The following PEMT variants were observed in gnomAD, a reference collection of about 807,000 sequenced individuals.
PEMT encodes the protein phosphatidylethanolamine N-methyltransferase.
PEMT carries 23 observed loss-of-function variants against 27.4 expected under a neutral mutation model. The ratio of observed to expected loss-of-function variants is 0.84; its 90% confidence interval spans 0.60 to 1.19. PEMT has a LOEUF of 1.19. Ranked by LOEUF, PEMT falls within the 50% of genes most tolerant of loss-of-function variation. The pLI is 0.00. For synonymous variants in PEMT, 137 were observed against 139.1 expected, an observed-to-expected ratio of 0.98 and a Z score of 0.11; for missense variants, 307 against 310.1, an observed-to-expected ratio of 0.99 and a Z score of 0.07.
At chr17:17,564,669 C>T (rs1392174903) in intron 2 of PEMT, among the ~76,000 whole-genome samples, 1 of 152,196 alleles carries the variant, frequency 6.6e-6, no homozygotes, top group African/African-American at 2.4e-5. Flanking sequence ...TCTGGGAAGG[C>T]GGGTACCCCC....
chr17:17,545,845 G>A (rs191598115), intron 2 of PEMT, among the ~76,000 whole-genome samples: 11 of 152,282 alleles, frequency 7.2e-5, no homozygotes, highest in Non-Finnish European at 1.3e-4. Context: ...GCTGATGTTT[G>A]GAGGTTCGTC....
rs927928251 is a variant in PEMT at position 17,561,837 on chromosome 17, C to T, written c.204+15083G>A. On this transcript the variant is annotated intron_variant, in intron 2 of 6. Transcript: ENST00000255389. The surrounding 1 kb of genome is among the most constrained non-coding windows in gnomAD (Gnocchi z 4.5). ...ACCACTTCCACGTGGCTACCTCACG[C>T]GGACGCCCCACGTGCGGCCTGACCC... is the stretch of plus-strand genomic sequence containing the variant. 1.3e-5 allele frequency among the ~76,000 whole-genome samples: 2 copies of T among 152,218 alleles called. No homozygotes were observed. Among genetic ancestry groups the T allele is most frequent in the Non-Finnish European group, 2.9e-5 (2 of 68,042 alleles).
chr17:17,573,053 G>T (rs1378867163), intron 2 of PEMT, among the ~76,000 whole-genome samples: 1 of 152,212 alleles, frequency 6.6e-6, no homozygotes, highest in East Asian at 1.9e-4. Flanking sequence ...GTCAGGCACA[G>T]TGGTGCATGC....
chr17:17,550,245 C>A (rs1909556800), intron 2 of PEMT, among the ~76,000 whole-genome samples: 1 of 152,238 alleles, frequency 6.6e-6, no homozygotes, highest in African/African-American at 2.4e-5. Context: ...AAGGGAGGGA[C>A]AGGACAGAAC....
At chr17:17,536,010 C>G (rs968668310) in intron 2 of PEMT, among the ~76,000 whole-genome samples, 2 of 152,168 alleles carry the variant, frequency 1.3e-5, no homozygotes, top group Admixed American at 1.3e-4. Context: ...CAACGACTCC[C>G]TTATTCTGCC....
rs574379294 is a variant in PEMT, at chr17:17,523,910, C to T, written c.205-1515G>A. Among the ~76,000 whole-genome samples the T allele has an allele frequency of 3.9e-5, 6 of 152,260 alleles. No homozygotes were observed. The highest frequency in any genetic ancestry group is 1.9e-4 in the East Asian group (1 of 5,180). ...ATTTCATCACCCCAAGTAGAAACCC[C>T]GTCCTCCCCATCCCCCATCTGCCGG... On this transcript the variant is annotated intron_variant, in intron 2 of 6. Coordinates refer to ENST00000255389, the MANE Select transcript of PEMT (RefSeq NM_148172.3). The surrounding 1 kb of genome is among the most constrained non-coding windows in gnomAD (Gnocchi z 4.8).
At chr17:17,568,774 G>A (rs1360929862) in intron 2 of PEMT, among the ~76,000 whole-genome samples, 2 of 152,200 alleles carry the variant, frequency 1.3e-5, no homozygotes, top group Non-Finnish European at 1.5e-5. Flanking sequence ...AGGTGAGGGA[G>A]CTGCAGGTGA....
chr17:17,509,119 C>G (rs934875906), intron 5 of PEMT, among the ~76,000 whole-genome samples: 2 of 152,274 alleles, frequency 1.3e-5, no homozygotes, highest in Non-Finnish European at 2.9e-5. Flanking sequence ...CAAAGACGCG[C>G]ATCCATTTTC....
intron 5 of PEMT, chr17:17,506,908 G>A (rs946668192): frequency 3.1e-5 from 16 of 516,060 alleles, no homozygotes; most frequent in Admixed American, 6.5e-5. Context: ...TCTCCCAGGT[G>A]GTGGGACAGC....
intron 1 of PEMT, among the ~76,000 whole-genome samples, chr17:17,589,957 C>G (rs952354399): frequency 6.6e-6 from 1 of 152,166 alleles, no homozygotes; most frequent in Non-Finnish European, 1.5e-5. Flanking sequence ...CTCACACACC[C>G]GGTTAGTCTC....
chr17:17,550,595 T>C lies in PEMT; in HGVS notation c.204+26325A>G, dbSNP rs1300299914. ...GGCTGCATTCGGATCCCATCATTTATTGTCATGCATTTGTGTGATTGTTGT... is the reference window on the plus strand; with the variant it reads ...GGCTGCATTCGGATCCCATCATTTACTGTCATGCATTTGTGTGATTGTTGT... On this transcript the variant is annotated intron_variant, in intron 2 of 6. Coordinates refer to ENST00000255389, the MANE Select transcript of PEMT (RefSeq NM_148172.3). 3.9e-5 allele frequency among the ~76,000 whole-genome samples: 6 copies of C among 152,362 alleles called. No individual in the cohort carries two copies. In the East Asian group the frequency reaches 9.6e-4, roughly 24 times the overall value.
chr17:17,534,751 A>G (rs527985361), intron 2 of PEMT, among the ~76,000 whole-genome samples: 19 of 152,274 alleles, frequency 1.2e-4, no homozygotes, highest in African/African-American at 4.6e-4. Flanking sequence ...TGGGAGGATC[A>G]CTTGAGCCCA....
chr17:17,581,737 G>C (rs1031837157), intron 1 of PEMT, among the ~76,000 whole-genome samples: 2 of 152,152 alleles, frequency 1.3e-5, no homozygotes, highest in African/African-American at 4.8e-5. Context: ...ATGGCCTCAG[G>C]TCAGCCTGTC....
intron 2 of PEMT, among the ~76,000 whole-genome samples, chr17:17,568,665 C>G (rs1910991759): frequency 6.6e-6 from 1 of 152,182 alleles, no homozygotes; most frequent in Non-Finnish European, 1.5e-5. Flanking sequence ...GGAGGGATCC[C>G]TTGGGGCACT....
chr17:17,569,578 C>T (rs1235363644), intron 2 of PEMT, among the ~76,000 whole-genome samples: 1 of 152,190 alleles, frequency 6.6e-6, no homozygotes, highest in Non-Finnish European at 1.5e-5. Flanking sequence ...GTGCATCTGC[C>T]GTCTTGGCAG....
intron 3 of PEMT, 80 bp downstream of exon 3, chr17:17,522,200 G>C (rs1317719029): frequency 2.9e-6 from 3 of 1,018,370 alleles, no homozygotes; most frequent in Non-Finnish European, 3.1e-6. Flanking sequence ...CTCCCGCGTG[G>C]TGAGGGATGA....
intron 2 of PEMT, among the ~76,000 whole-genome samples, chr17:17,538,796 C>T (rs1463827799): frequency 6.6e-6 from 1 of 152,180 alleles, no homozygotes; most frequent in Non-Finnish European, 1.5e-5. Context: ...AAAGCGTGAT[C>T]CGCCTTCTTG....
chr17:17,570,252 A>C (rs576146324), intron 2 of PEMT, among the ~76,000 whole-genome samples: 1 of 152,218 alleles, frequency 6.6e-6, no homozygotes. Context: ...GAAGCAGAGC[A>C]GGCTCCGCTT....
At chr17:17,563,646 G>C (rs879373982) in intron 2 of PEMT, among the ~76,000 whole-genome samples, 9 of 152,218 alleles carry the variant, frequency 5.9e-5, no homozygotes, top group Non-Finnish European at 1.0e-4. Flanking sequence ...TACCGTAAGC[G>C]GGTGGCAGGC....
Sources: allele counts gnomAD v4.1 joint callset (sites outside exome capture counted in the v4.1 genomes callset), GRCh38; gene constraint gnomAD v4.1.1; non-coding constraint Gnocchi (gnomAD v3.1); transcripts MANE v1.5; gene names NCBI Gene and HGNC (gene_info 2026-07-23, HGNC 2026-07-21).